GRIA4: variants seen among roughly 807,000 people sequenced by gnomAD.
The protein encoded by GRIA4 is glutamate receptor 4.
A neutral mutation model predicts 104.0 loss-of-function variants in GRIA4; 34 were observed. The observed-to-expected ratio is 0.33, with a 90% CI of 0.25 to 0.44. The LOEUF (loss-of-function observed/expected upper bound fraction) is 0.44, where lower values mean the gene tolerates loss of function less well. GRIA4 is among the 20% of genes least tolerant of loss of function. The pLI is 1.00. For missense variants in GRIA4, 750 were observed against 1,096.5 expected (o/e 0.68, Z 4.46); for synonymous variants, 386 against 381.9 (o/e 1.01, Z -0.13).
At chr11:105,938,113 T>C (rs374132899) in intron 14 of GRIA4, among the ~76,000 whole-genome samples, 8 of 152,256 alleles carry the variant, frequency 5.3e-5, no homozygotes, top group African/African-American at 1.4e-4. Flanking sequence ...TAGAGTTCTA[T>C]GTAGGTCAAA....
chr11:105,701,886 A>G (rs1953506533), intron 3 of GRIA4, among the ~76,000 whole-genome samples: 1 of 152,188 alleles, frequency 6.6e-6, no homozygotes, highest in Admixed American at 6.6e-5. Context: ...TTTACTGAAT[A>G]GTAGATATTT....
intron 3 of GRIA4, among the ~76,000 whole-genome samples, chr11:105,636,982 G>A (rs1158925880): frequency 1.3e-5 from 2 of 152,064 alleles, no homozygotes; most frequent in Non-Finnish European, 2.9e-5. Context: ...AATTACCTCA[G>A]CATGTTGCAA....
chr11:105,778,768 T>C (rs2135764004), intron 4 of GRIA4, among the ~76,000 whole-genome samples: 1 of 152,230 alleles, frequency 6.6e-6, no homozygotes. Flanking sequence ...CAGTGTTGTA[T>C]AGTATAGATA....
intron 3 of GRIA4, among the ~76,000 whole-genome samples, chr11:105,743,497 T>C (rs949165379): frequency 1.3e-5 from 2 of 152,216 alleles, no homozygotes; most frequent in Non-Finnish European, 2.9e-5. Flanking sequence ...TTGTTTTCCA[T>C]ATTTATATCA....
At chr11:105,695,573 C>T (rs562986703) in intron 3 of GRIA4, among the ~76,000 whole-genome samples, 1 of 151,982 alleles carries the variant, frequency 6.6e-6, no homozygotes, top group East Asian at 1.9e-4. Flanking sequence ...TACTGTGATT[C>T]GAAAAGGGTA....
chr11:105,932,858 C>T (rs1947922117), intron 13 of GRIA4, among the ~76,000 whole-genome samples: 1 of 151,960 alleles, frequency 6.6e-6, no homozygotes, highest in Admixed American at 6.6e-5. Context: ...CTTTGGTGTT[C>T]AATTACTGAC....
intron 3 of GRIA4, among the ~76,000 whole-genome samples, chr11:105,627,843 G>T (rs994635780): frequency 1.3e-5 from 2 of 152,142 alleles, no homozygotes; most frequent in Non-Finnish European, 2.9e-5. Context: ...TATAGATGCC[G>T]ATAGAACACT....
At chr11:105,839,729 A>C (rs12793503) in intron 4 of GRIA4, among the ~76,000 whole-genome samples, 5 of 152,050 alleles carry the variant, frequency 3.3e-5, no homozygotes, top group Admixed American at 6.6e-5. Context: ...AAATAAAAAA[A>C]AAGAACCCCA....
chr11:105,932,586 A>T (rs1162263585), intron 13 of GRIA4, among the ~76,000 whole-genome samples: 2 of 152,188 alleles, frequency 1.3e-5, no homozygotes, highest in Non-Finnish European at 2.9e-5. Context: ...TAGTGAGAGT[A>T]ATGTATTAAT....
chr11:105,814,723 A>G (rs886652869), intron 4 of GRIA4, among the ~76,000 whole-genome samples: 7 of 152,232 alleles, frequency 4.6e-5, no homozygotes, highest in African/African-American at 1.7e-4. Flanking sequence ...TCTTAAGAAC[A>G]TGAAATATAT....
chr11:105,635,258 C>A (rs1394899528), intron 3 of GRIA4, among the ~76,000 whole-genome samples: 1 of 151,798 alleles, frequency 6.6e-6, no homozygotes, highest in Non-Finnish European at 1.5e-5. Flanking sequence ...AAATTAACTG[C>A]CTAAGAGTAA....
intron 14 of GRIA4, among the ~76,000 whole-genome samples, chr11:105,962,305 A>G (rs1429441912): frequency 2.0e-5 from 3 of 152,166 alleles, no homozygotes; most frequent in African/African-American, 7.2e-5. Flanking sequence ...AGGCTGGATT[A>G]AGCATGCTTT....
intron 3 of GRIA4, among the ~76,000 whole-genome samples, chr11:105,697,429 C>T (rs1183155606): frequency 6.6e-6 from 1 of 152,070 alleles, no homozygotes; most frequent in East Asian, 1.9e-4. Context: ...CTGAAAAGAG[C>T]CTGACTCTGC....
At chr11:105,615,269 T>A (rs1950572400) in intron 3 of GRIA4, among the ~76,000 whole-genome samples, 1 of 151,862 alleles carries the variant, frequency 6.6e-6, no homozygotes, top group Admixed American at 6.6e-5. Flanking sequence ...ACTAAATTAG[T>A]GCTCTAAGAA....
At chr11:105,800,460 G>T (rs912425791) in intron 4 of GRIA4, among the ~76,000 whole-genome samples, 3 of 151,992 alleles carry the variant, frequency 2.0e-5, no homozygotes, top group Non-Finnish European at 4.4e-5. Flanking sequence ...ATGTGTCAAG[G>T]TACCTATGCC....
At chr11:105,795,653 G>A (rs578008190) in intron 4 of GRIA4, among the ~76,000 whole-genome samples, 66 of 152,034 alleles carry the variant, frequency 4.3e-4, no homozygotes, top group Non-Finnish European at 8.1e-4. Flanking sequence ...GAACTGATTT[G>A]GAAAGGGGTA....
chr11:105,957,785 A>C (rs2509478), intron 14 of GRIA4, among the ~76,000 whole-genome samples: 1 of 151,826 alleles, frequency 6.6e-6, no homozygotes, highest in African/African-American at 2.4e-5. Flanking sequence ...CTTTTATTTC[A>C]TTGAGCAGTG....
chr11:105,751,360 A>G (rs1939985131), intron 3 of GRIA4, among the ~76,000 whole-genome samples: 1 of 152,204 alleles, frequency 6.6e-6, no homozygotes, highest in Admixed American at 6.5e-5. Flanking sequence ...GAACATTTAC[A>G]GATTAGGGTC....
intron 12 of GRIA4, among the ~76,000 whole-genome samples, chr11:105,925,456 T>C (rs928100858): frequency 3.3e-5 from 5 of 152,128 alleles, no homozygotes; most frequent in Admixed American, 1.3e-4. Context: ...ACTTTTCTCA[T>C]AGAGAAAGTA....
Sources: gnomAD v4.1 joint callset for allele counts (sites outside exome capture counted in the v4.1 genomes callset) on GRCh38, gnomAD v4.1.1 for gene constraint, MANE v1.5 for transcripts, NCBI Gene and HGNC (gene_info 2026-07-23, HGNC 2026-07-21) for gene names.